Variants in GABPB2 observed in about 807,000 individuals in gnomAD.
The protein encoded by GABPB2 is GA binding protein transcription factor subunit beta 2.
A neutral mutation model predicts 39.1 loss-of-function variants in GABPB2; 23 were observed. The ratio of observed to expected loss-of-function variants is 0.59; its 90% CI spans 0.42 to 0.83. The LOEUF is 0.83. Ranked by LOEUF, GABPB2 falls within the 40% of genes least tolerant of loss-of-function variation. GABPB2 has a pLI of 0.00. For synonymous variants in GABPB2, 184 were observed against 199.3 expected (o/e 0.92, Z 0.65); for missense variants, 467 against 541.1 (o/e 0.86, Z 1.36).
chr1:151,105,017 C>T (rs112468496), intron 6 of GABPB2, among the ~76,000 whole-genome samples: 3,195 of 151,968 alleles, frequency 0.021, 99 homozygotes, highest in African/African-American at 0.072. Flanking sequence ...CACAATTCTC[C>T]TGCCTCAGCC....
At chr1:151,072,581 C>T (rs1194947233) in intron 1 of GABPB2, among the ~76,000 whole-genome samples, 1 of 152,132 alleles carries the variant, frequency 6.6e-6, no homozygotes, top group East Asian at 1.9e-4. Context: ...CGTGGTGGCT[C>T]TGGCCTGTAA....
chr1:151,080,215 CAAAAAAAAAAAAA>C (rs57351502), intron 1 of GABPB2, among the ~76,000 whole-genome samples: 23 of 30,016 alleles, frequency 7.7e-4, no homozygotes, highest in South Asian at 4.4e-3. Flanking sequence ...AACTCCATCT[CAAAAAAAAAAAAA>C]AAAAAAAAAA....
chr1:151,099,032 C>T (rs587646673), intron 5 of GABPB2, among the ~76,000 whole-genome samples: 41 of 146,858 alleles, frequency 2.8e-4, no homozygotes, highest in African/African-American at 1.0e-3. Context: ...TGCAGTGAGC[C>T]GAGATTGCGC....
intron 1 of GABPB2, among the ~76,000 whole-genome samples, chr1:151,077,050 C>T (rs587708762): frequency 2.6e-5 from 4 of 152,140 alleles, no homozygotes; most frequent in Middle Eastern, 3.4e-3. Context: ...TCCTGGGCCT[C>T]CCAAAGTGCT....
chr1:151,121,065 T>A lies in GABPB2; in HGVS notation c.*2809T>A, dbSNP rs941811761. 6.6e-6 allele frequency: 1 copy of A among 152,204 alleles called. No homozygotes were observed. The highest frequency in any genetic ancestry group is 1.5e-5 in the Non-Finnish European group (1 of 68,034). 9.4% of individuals were successfully genotyped at this position (152,204 alleles called of 1,614,324 possible). ...GCCACCCCGCGCACAGCCTAGACTC[T>A]AATTTTATAAAACTTTGTTGAATTT... On this transcript the variant is annotated 3_prime_UTR_variant, in exon 9 of 9. Coordinates refer to ENST00000368918, the MANE Select transcript of GABPB2 (RefSeq NM_144618.3).
At position 151,103,682 on chromosome 1, in the gene GABPB2, A is replaced by G; in HGVS notation, c.736+7A>G. Reference sequence around the variant, plus strand: ...AACTCACACAGAGCCACAGGTAGGTAAGGGATATGCTGCTGGGTGAATCAC... The same window carrying G: ...AACTCACACAGAGCCACAGGTAGGTGAGGGATATGCTGCTGGGTGAATCAC... On this transcript the variant is annotated splice_region_variant and intron_variant, in intron 6 of 8. Transcript: ENST00000368918. 3.2e-6 allele frequency: 5 copies of G among 1,576,960 alleles called. No individual in the cohort carries two copies. The South Asian group carries it at 3.3e-5, about 10-fold the overall frequency.
chr1:151,113,283 G>A (rs1045601151), intron 7 of GABPB2, among the ~76,000 whole-genome samples: 3 of 151,530 alleles, frequency 2.0e-5, no homozygotes, highest in Non-Finnish European at 2.9e-5. Context: ...CCTGGCTAAC[G>A]CGGTGAAACC....
At chr1:151,091,335 G>T (rs934653717) in intron 3 of GABPB2, among the ~76,000 whole-genome samples, 2 of 151,076 alleles carry the variant, frequency 1.3e-5, no homozygotes, top group African/African-American at 4.9e-5. Context: ...TGATCCACCT[G>T]CCTTGGCCTC....
At chr1:151,092,100 ATTTTTTTT>A (rs34298127) in intron 3 of GABPB2, among the ~76,000 whole-genome samples, 27 of 58,102 alleles carry the variant, frequency 4.6e-4, no homozygotes, top group South Asian at 2.5e-3. Flanking sequence ...CAGTTTTCTA[ATTTTTTTT>A]TTTTTTTTTT....
intron 1 of GABPB2, among the ~76,000 whole-genome samples, chr1:151,082,076 C>CTTTTTT (rs1215494134): frequency 6.5e-4 from 85 of 131,528 alleles, no homozygotes; most frequent in East Asian, 1.3e-3. Flanking sequence ...ATTTCTTTTT[C>CTTTTTT]TTTTTTTTTT....
At chr1:151,088,091 T>C (rs951198406) in intron 1 of GABPB2, 99 bp from the exon 2 acceptor site, 4 of 771,090 alleles carry the variant, frequency 5.2e-6, no homozygotes, top group African/African-American at 3.5e-5. Context: ...ATGTATCTTA[T>C]ATACATTCAA....
At chr1:151,072,416 G>A (rs1413662087) in intron 1 of GABPB2, among the ~76,000 whole-genome samples, 1 of 152,122 alleles carries the variant, frequency 6.6e-6, no homozygotes, top group African/African-American at 2.4e-5. Context: ...AATCAGCTGG[G>A]CGTGGTAGTG....
At chr1:151,117,555 T>C (rs1457062985) in intron 8 of GABPB2, 39 bp downstream of exon 8, 2 of 1,604,132 alleles carry the variant, frequency 1.2e-6, no homozygotes, top group African/African-American at 2.7e-5. Flanking sequence ...TTTAAAGCCT[T>C]AATTATTAAG....
intron 6 of GABPB2, among the ~76,000 whole-genome samples, chr1:151,104,775 C>CTCTTTCTTTCTTTCTTTCTTTCTTTCTT (rs1553266329): frequency 3.7e-5 from 2 of 53,416 alleles, no homozygotes; most frequent in Non-Finnish European, 5.4e-5. Context: ...CTTTCTTTCT[C>CTCTTTCTTTCTTTCTTTCTTTCTTTCTT]TCTTTCTTTC....
rs186016599 is a variant in GABPB2, at chr1:151,113,391, C to G, written c.923-4001C>G. Among the ~76,000 whole-genome samples, 568 of 151,698 alleles carry G rather than the reference C, an allele frequency of 3.7e-3. 2 individuals carry two copies. Among genetic ancestry groups the G allele is most frequent in the African/African-American group, 0.013 (522 of 41,328 alleles). On this transcript the variant is annotated intron_variant, in intron 7 of 8. Transcript: ENST00000368918. Reference sequence around the variant, plus strand: ...GGCTGAGTCAGGAGAATGGGGTGAACCCCGGAGGCGGAGCTTGCAGTGAGC... The same window carrying G: ...GGCTGAGTCAGGAGAATGGGGTGAAGCCCGGAGGCGGAGCTTGCAGTGAGC...
chr1:151,079,280 C>A (rs1677447741), intron 1 of GABPB2, among the ~76,000 whole-genome samples: 2 of 152,030 alleles, frequency 1.3e-5, no homozygotes, highest in South Asian at 2.1e-4. Flanking sequence ...GTGGCTCACG[C>A]CTGTAATCCC....
rs1680022251 is a variant in GABPB2, at chr1:151,107,043, C to T, written c.743C>T (p.Thr248Ile). The change falls in exon 7 of 9, where the codon ACA becomes ATA. Residue 248 changes from threonine (T) to isoleucine (I), a missense_variant. Transcript: ENST00000368918. ...LSNSHRATAN[T>I]EEIIEGNSVD... ...TTGCTTTTGTCATCTCTAGCCAATA[C>T]AGAGGAAATTATAGAAGGAAATTCC... The T allele has an allele frequency of 1.2e-6, 2 of 1,601,170 alleles. No individual in the cohort carries two copies. The highest frequency in any genetic ancestry group is 1.7e-6 in the Non-Finnish European group (2 of 1,175,500).
chr1:151,124,953 C>G lies in GABPB2; in HGVS notation c.*6697C>G, dbSNP rs587663044. On this transcript the variant is annotated 3_prime_UTR_variant, in exon 9 of 9. Coordinates refer to ENST00000368918, the MANE Select transcript of GABPB2 (RefSeq NM_144618.3). ...GGAAATTGTGATTCCCTATCTCCCC[C>G]TCCTCCTACCTTTTCTGCTTTTGTG... 1 of 152,300 alleles carries G rather than the reference C, an allele frequency of 6.6e-6. No homozygotes were observed. Among genetic ancestry groups the G allele is most frequent in the African/African-American group, 2.4e-5 (1 of 41,558 alleles). The allele number at this position is 152,300 out of a possible 1,614,324, so 9.4% of individuals were successfully genotyped here. A position where few individuals can be genotyped will look rare whatever the true frequency, so the allele number is the denominator to read the frequency against.
intron 1 of GABPB2, among the ~76,000 whole-genome samples, chr1:151,080,598 A>G (rs1677595704): frequency 2.0e-5 from 3 of 151,028 alleles, no homozygotes; most frequent in African/African-American, 7.3e-5. Context: ...CTGTAATCCC[A>G]TCACTTTGGG....
Sources: allele counts gnomAD v4.1 joint callset (sites outside exome capture counted in the v4.1 genomes callset), GRCh38; gene constraint gnomAD v4.1.1; transcripts MANE v1.5; gene names NCBI Gene and HGNC (gene_info 2026-07-23, HGNC 2026-07-21).